The following PTPRG variants were observed in gnomAD, a reference collection of about 807,000 sequenced individuals.
PTPRG encodes the protein protein tyrosine phosphatase receptor type G, also known as receptor-type tyrosine-protein phosphatase gamma.
Under a neutral mutation model 165.3 loss-of-function variants are expected in PTPRG, and 102 were observed. The observed-to-expected ratio is 0.62, with a 90% CI of 0.53 to 0.73. PTPRG has a LOEUF of 0.73. Among genes scored for constraint, PTPRG ranks in the 30% least tolerant of loss-of-function variants. PTPRG has a pLI of 0.00. For synonymous variants in PTPRG, 675 were observed against 669.5 expected (o/e 1.01, Z -0.13); for missense variants, 1,866 against 1,861.4 (o/e 1.00, Z -0.05).
chr3:62,172,356 A>T lies in PTPRG; in HGVS notation c.1033+4193A>T, dbSNP rs562624125. Among the ~76,000 whole-genome samples the T allele has an allele frequency of 5.9e-5, 9 of 152,324 alleles. No individual in the cohort carries two copies. The East Asian group carries it at 1.5e-3, about 26-fold the overall frequency. On this transcript the variant is annotated intron_variant, in intron 8 of 29. Coordinates refer to ENST00000474889, the MANE Select transcript of PTPRG (RefSeq NM_002841.4). The stretch of plus-strand genomic sequence containing the variant: ...TTCCAAAGTGGTGGCATCAGTTTAC[A>T]TTCCCATCAACAGTGTATGAGGGTT...
chr3:61,900,159 A>C (rs1214525963), intron 2 of PTPRG, among the ~76,000 whole-genome samples: 3 of 151,908 alleles, frequency 2.0e-5, no homozygotes, highest in African/African-American at 7.3e-5. Flanking sequence ...TTTTTTAAAT[A>C]CCCAAAGTTA....
At chr3:61,593,252 C>T (rs1228271218) in intron 1 of PTPRG, among the ~76,000 whole-genome samples, 8 of 152,138 alleles carry the variant, frequency 5.3e-5, no homozygotes, top group Admixed American at 5.2e-4. Context: ...ACCTCCATCT[C>T]CCACCAGGGC....
At chr3:62,175,464 A>G (rs541288469) in intron 8 of PTPRG, among the ~76,000 whole-genome samples, 2 of 152,330 alleles carry the variant, frequency 1.3e-5, no homozygotes, top group South Asian at 2.1e-4. Flanking sequence ...AAAGAAAAGA[A>G]AAAGAAAGTC....
chr3:61,952,054 G>T (rs946392637), intron 2 of PTPRG, among the ~76,000 whole-genome samples: 2 of 148,448 alleles, frequency 1.3e-5, no homozygotes, highest in African/African-American at 5.0e-5. Context: ...GGAGTCGGAG[G>T]TTGCAGTGAG....
chr3:62,048,444 A>T (rs894108003), intron 4 of PTPRG, among the ~76,000 whole-genome samples: 1 of 152,234 alleles, frequency 6.6e-6, no homozygotes, highest in Non-Finnish European at 1.5e-5. Context: ...CTAAGTATAG[A>T]CAAAATGGAT....
At chr3:61,859,308 T>C (rs145985674) in intron 2 of PTPRG, among the ~76,000 whole-genome samples, 1 of 152,304 alleles carries the variant, frequency 6.6e-6, no homozygotes, top group African/African-American at 2.4e-5. Context: ...CATAAAATGA[T>C]GGGAATTAGG....
At chr3:61,667,742 C>T (rs888840679) in intron 1 of PTPRG, among the ~76,000 whole-genome samples, 2 of 151,010 alleles carry the variant, frequency 1.3e-5, no homozygotes, top group Non-Finnish European at 2.9e-5. Flanking sequence ...GAGTTTGAAT[C>T]TAACTGGGAA....
intron 5 of PTPRG, among the ~76,000 whole-genome samples, chr3:62,109,281 A>C (rs959549937): frequency 6.6e-6 from 1 of 152,166 alleles, no homozygotes. Flanking sequence ...AGTTTTCCCA[A>C]CACCATTTAT....
chr3:61,592,038 T>G (rs1700582253), intron 1 of PTPRG, among the ~76,000 whole-genome samples: 2 of 151,570 alleles, frequency 1.3e-5, no homozygotes, highest in Admixed American at 1.3e-4. Context: ...AACGGCATGA[T>G]CTCCGTATCA....
intron 2 of PTPRG, among the ~76,000 whole-genome samples, chr3:61,761,438 G>T (rs655073): frequency 6.6e-6 from 1 of 151,908 alleles, no homozygotes; most frequent in East Asian, 1.9e-4. Flanking sequence ...AATTAGCCAG[G>T]CGTGGTGGTG....
rs148306118 is a variant in PTPRG at position 62,005,213 on chromosome 3, C to G, written c.519+1716C>G. ...TCCTCTATCTGTGGGACTTCCTATC[C>G]TAGTCACAATAACGATATCTTTCAT... On this transcript the variant is annotated intron_variant, in intron 4 of 29. Transcript: ENST00000474889. Among the ~76,000 whole-genome samples the G allele has an allele frequency of 8.0e-4, 122 of 152,292 alleles. No individual in the cohort carries two copies. In the East Asian group the frequency reaches 0.018, roughly 23 times the overall value.
intron 2 of PTPRG, among the ~76,000 whole-genome samples, chr3:61,790,253 G>A (rs1423286260): frequency 6.6e-6 from 1 of 152,176 alleles, no homozygotes; most frequent in African/African-American, 2.4e-5. Flanking sequence ...TAATGTTGCT[G>A]GACTTGCTGG....
chr3:61,607,363 A>G (rs1228792575), intron 1 of PTPRG, among the ~76,000 whole-genome samples: 4 of 152,210 alleles, frequency 2.6e-5, no homozygotes, highest in Non-Finnish European at 5.9e-5. Context: ...AAAATGCCAT[A>G]TGAATTCAGA....
At chr3:61,628,899 T>G (rs1701689562) in intron 1 of PTPRG, among the ~76,000 whole-genome samples, 3 of 152,326 alleles carry the variant, frequency 2.0e-5, no homozygotes, top group Admixed American at 2.0e-4. Flanking sequence ...CATAAGCATC[T>G]TTGTTGGTAA....
At chr3:62,155,854 C>T (rs551274573) in intron 6 of PTPRG, among the ~76,000 whole-genome samples, 2 of 152,222 alleles carry the variant, frequency 1.3e-5, no homozygotes, top group African/African-American at 4.8e-5. Context: ...ATTCCTGTAG[C>T]CTCAGGTGTG....
chr3:61,867,781 C>T (rs560756128), intron 2 of PTPRG, among the ~76,000 whole-genome samples: 1 of 152,316 alleles, frequency 6.6e-6, no homozygotes, highest in African/African-American at 2.4e-5. Flanking sequence ...GGACATAGGA[C>T]GTCCCTTACG....
chr3:61,889,079 T>A, intron 2 of PTPRG, among the ~76,000 whole-genome samples: 1 of 152,304 alleles, frequency 6.6e-6, no homozygotes, highest in East Asian at 1.9e-4. Flanking sequence ...TTAAAGTGAC[T>A]TGTAAGATGA....
chr3:62,186,694 T>C (rs1213554449), intron 8 of PTPRG, among the ~76,000 whole-genome samples: 2 of 151,276 alleles, frequency 1.3e-5, no homozygotes, highest in African/African-American at 4.9e-5. Flanking sequence ...GCCTCCTGAG[T>C]AGCTGGGACT....
At chr3:62,031,942 A>T (rs1056572235) in intron 4 of PTPRG, among the ~76,000 whole-genome samples, 1 of 152,232 alleles carries the variant, frequency 6.6e-6, no homozygotes, top group African/African-American at 2.4e-5. Context: ...CCAGTTGGAA[A>T]TGTCTAAGAA....
Sources: gnomAD v4.1 joint callset for allele counts (sites outside exome capture counted in the v4.1 genomes callset) on GRCh38, gnomAD v4.1.1 for gene constraint, MANE v1.5 for transcripts, NCBI Gene and HGNC (gene_info 2026-07-23, HGNC 2026-07-21) for gene names.